The following CFAP46 variants were observed in gnomAD, a reference collection of about 807,000 sequenced individuals.
CFAP46 encodes the protein cilia- and flagella-associated protein 46.
Under a neutral mutation model 325.7 loss-of-function variants are expected in CFAP46, and 245 were observed. That is an observed-to-expected ratio of 0.75 (90% confidence interval 0.68 to 0.84). The LOEUF (loss-of-function observed/expected upper bound fraction) is 0.84, where lower values mean the gene tolerates loss of function less well. CFAP46 is among the 40% of genes least tolerant of loss of function. The probability of loss-of-function intolerance (pLI) is 0.00; values close to 1 mark genes in which losing one functional copy is unlikely to be tolerated. For missense variants in CFAP46, 3,346 were observed against 3,543.0 expected (o/e 0.94, Z 1.41); for synonymous variants, 1,523 against 1,495.9 (o/e 1.02, Z -0.42).
At chr10:132,824,923 GC>G (rs1411960200) in intron 50 of CFAP46, among the ~76,000 whole-genome samples, 1 of 143,088 alleles carries the variant, frequency 7.0e-6, no homozygotes, top group Non-Finnish European at 1.5e-5. Context: ...TGCTGTGTGT[GC>G]TGCTTGTGTG....
chr10:132,858,117 G>T (rs973477056), intron 38 of CFAP46, among the ~76,000 whole-genome samples: 1 of 152,254 alleles, frequency 6.6e-6, no homozygotes, highest in African/African-American at 2.4e-5. Context: ...CACAGTAACA[G>T]ACACGGCTCA....
chr10:132,901,197 C>T (rs970759204), intron 22 of CFAP46, among the ~76,000 whole-genome samples: 3 of 152,170 alleles, frequency 2.0e-5, no homozygotes, highest in African/African-American at 4.8e-5. Context: ...GTCTCCTGTA[C>T]GTACTTTATC....
chr10:132,892,501 G>T, intron 24 of CFAP46, 84 bp from the exon 25 acceptor site: 1 of 1,277,796 alleles, frequency 7.8e-7, no homozygotes, highest in Non-Finnish European at 1.1e-6. Flanking sequence ...CCCCCTCTGA[G>T]CTCTGTGTTC....
At position 132,919,945 on chromosome 10, in the gene CFAP46, G is replaced by C. The variant is rs562725732; in HGVS notation, c.1730+114C>G. ...ACCATCCTGGAGCAGGTGGCCTGGC[G>C]AGTCCCCAGACGGCCACATGCAGGG... is the stretch of plus-strand genomic sequence containing the variant. On this transcript the variant is annotated intron_variant, in intron 14 of 57. Coordinates refer to ENST00000368586, the MANE Select transcript of CFAP46 (RefSeq NM_001200049.3). This position sits in a 1 kb window ranked among gnomAD's most constrained non-coding sequence, Gnocchi z 9.7. 7.5e-7 allele frequency: 1 copy of C among 1,340,014 alleles called. No individual in the cohort carries two copies. Among genetic ancestry groups the C allele is most frequent in the Non-Finnish European group, 9.7e-7 (1 of 1,027,638 alleles). 83.0% of individuals were successfully genotyped at this position (1,340,014 alleles called of 1,614,324 possible).
At chr10:132,942,241 G>T (rs1044558142) in intron 1 of CFAP46, 137 bp from the exon 2 acceptor site, 17 of 1,283,638 alleles carry the variant, frequency 1.3e-5, no homozygotes, top group Non-Finnish European at 1.8e-5. Flanking sequence ...TCGCCGCCAG[G>T]GAGCAGCGGT....
At chr10:132,896,229 C>T (rs1330492947) in intron 24 of CFAP46, among the ~76,000 whole-genome samples, 3 of 132,882 alleles carry the variant, frequency 2.3e-5, no homozygotes, top group Admixed American at 7.5e-5. Flanking sequence ...CCATGAGACA[C>T]AGTGAGAAGG....
At chr10:132,866,253 G>A in intron 34 of CFAP46, 82 bp from the exon 35 acceptor site, 8 of 1,387,614 alleles carry the variant, frequency 5.8e-6, no homozygotes, top group Non-Finnish European at 7.6e-6. Flanking sequence ...TGGCTCAGGA[G>A]CCATCTGTAC....
Sources: gnomAD v4.1 joint callset for allele counts (sites outside exome capture counted in the v4.1 genomes callset) on GRCh38, gnomAD v4.1.1 for gene constraint, Gnocchi (gnomAD v3.1) non-coding constraint, MANE v1.5 for transcripts, NCBI Gene and HGNC (gene_info 2026-07-23, HGNC 2026-07-21) for gene names.